The following FRK variants were observed in gnomAD, a reference collection of about 807,000 sequenced individuals.
FRK encodes fyn related Src family tyrosine kinase.
FRK carries 51 observed loss-of-function variants against 56.4 expected under a neutral mutation model. The ratio of observed to expected loss-of-function variants is 0.90; its 90% CI spans 0.72 to 1.14. FRK has a LOEUF of 1.14. FRK is among the 50% of genes most tolerant of loss of function. The pLI, the probability that FRK is intolerant of heterozygous loss-of-function variation, is 0.00. For synonymous variants in FRK, 245 were observed against 217.9 expected (o/e 1.12, Z -1.10); for missense variants, 570 against 601.4 (o/e 0.95, Z 0.55).
chr6:116,062,274 G>A (rs1053020287), upstream of FRK, among the ~76,000 whole-genome samples: 11 of 151,858 alleles, frequency 7.2e-5, no homozygotes, highest in African/African-American at 2.2e-4. Context: ...AATGATATGA[G>A]ACCTAAAATA....
At chr6:116,036,387 C>T (rs1446984272) in intron 1 of FRK, among the ~76,000 whole-genome samples, 1 of 152,004 alleles carries the variant, frequency 6.6e-6, no homozygotes, top group Non-Finnish European at 1.5e-5. Flanking sequence ...TTACTTATAC[C>T]CCTATTTCTA....
At chr6:116,100,187 A>T in the FRK span, among the ~76,000 whole-genome samples, 1 of 152,340 alleles carries the variant, frequency 6.6e-6, no homozygotes, top group African/African-American at 2.4e-5. Flanking sequence ...ACAAAATAGG[A>T]TTATCAAGTA....
At chr6:116,082,807 G>A in the FRK span, among the ~76,000 whole-genome samples, 27 of 152,248 alleles carry the variant, frequency 1.8e-4, no homozygotes, top group African/African-American at 5.1e-4. Flanking sequence ...CCTAAATTCA[G>A]AAGAGAGGTC....
At chr6:116,041,171 C>G (rs1229080449) in intron 1 of FRK, among the ~76,000 whole-genome samples, 2 of 152,208 alleles carry the variant, frequency 1.3e-5, no homozygotes, top group African/African-American at 4.8e-5. Context: ...CAAAGTGATT[C>G]ATCATCAAAA....
upstream of FRK, among the ~76,000 whole-genome samples, chr6:116,065,846 C>T (rs1205431438): frequency 6.6e-6 from 1 of 152,180 alleles, no homozygotes; most frequent in Non-Finnish European, 1.5e-5. Flanking sequence ...GAATGTCATT[C>T]TCCTAGAACA....
intron 1 of FRK, chr6:116,039,052 TG>T (rs1253438172): frequency 2.6e-6 from 2 of 758,878 alleles, no homozygotes; most frequent in Non-Finnish European, 4.9e-6. Context: ...AGAGTAGGCA[TG>T]TCTTTGGGGA....
chr6:116,055,165 C>T (rs965615774), intron 1 of FRK, among the ~76,000 whole-genome samples: 4 of 152,110 alleles, frequency 2.6e-5, no homozygotes, highest in African/African-American at 9.7e-5. Context: ...TGCTTTCAAG[C>T]TCGACAATGG....
chr6:116,058,831 A>C (rs1777498936), intron 1 of FRK, among the ~76,000 whole-genome samples: 1 of 150,182 alleles, frequency 6.7e-6, no homozygotes, highest in Non-Finnish European at 1.5e-5. Context: ...GAATGGCGTG[A>C]ACCCGGGAGG....
In FRK at chr6:115,931,987, G is replaced by A. The variant is rs1394909661; in HGVS notation, c.*10427C>T. The A allele has an allele frequency of 6.6e-6, 1 of 152,166 alleles. No individual in the cohort carries two copies. The highest frequency in any genetic ancestry group is 1.5e-5 in the Non-Finnish European group (1 of 68,024). 9.4% of individuals were successfully genotyped at this position (152,166 alleles called of 1,614,324 possible). The stretch of plus-strand genomic sequence containing the variant: ...TATTCTCCATGAAAATGAAAAAGAT[G>A]TTACATTGACGTCTGTTGCTTCAAA... On this transcript the variant is annotated 3_prime_UTR_variant, in exon 8 of 8. Transcript: ENST00000606080.
In FRK at chr6:115,968,602, C is replaced by G. The variant is rs148594761; in HGVS notation, c.604G>C (p.Val202Leu). 3.3e-5 allele frequency: 53 copies of G among 1,613,334 alleles called. No homozygotes were observed. In the East Asian group the frequency reaches 1.2e-3, roughly 35 times the overall value. Residue 202 changes from valine (V) to leucine (L), a missense_variant, in exon 3 of 8, where the codon GTC (valine) becomes CTC (leucine). By Grantham distance (32) the Val-to-Leu change is conservative (BLOSUM62 1). Coordinates refer to ENST00000606080, the MANE Select transcript of FRK (RefSeq NM_002031.3). ...HYTKTSDGLCVKLGKPCLKIQ... is the reference protein window; with the variant it reads ...HYTKTSDGLCLKLGKPCLKIQ... ...TTTAAGCATGGTTTCCCCAGCTTGA[C>G]ACACAGGCCGTCACTTGTCTTGGTG... is the stretch of plus-strand genomic sequence containing the variant.
chr6:116,089,864 C>T, the FRK span, among the ~76,000 whole-genome samples: 1 of 151,848 alleles, frequency 6.6e-6, no homozygotes, highest in Non-Finnish European at 1.5e-5. Flanking sequence ...CCCCAAGGCA[C>T]ATTTGACTTT....
intron 4 of FRK, 119 bp downstream of exon 4, chr6:115,967,432 T>G: frequency 1.1e-6 from 1 of 935,814 alleles, no homozygotes. Context: ...CTAGAGACAA[T>G]GACCACAACA....
At chr6:116,042,072 C>G (rs143802849) in intron 1 of FRK, among the ~76,000 whole-genome samples, 1 of 152,298 alleles carries the variant, frequency 6.6e-6, no homozygotes, top group Non-Finnish European at 1.5e-5. Flanking sequence ...GAAGGGGCAT[C>G]CACCATTACT....
intron 1 of FRK, among the ~76,000 whole-genome samples, chr6:116,029,679 A>T (rs933925597): frequency 6.6e-6 from 1 of 152,172 alleles, no homozygotes; most frequent in Non-Finnish European, 1.5e-5. Flanking sequence ...GAACAACCCT[A>T]TAAGGGAAGC....
At chr6:115,984,285 T>C (rs143907428) in intron 2 of FRK, among the ~76,000 whole-genome samples, 1 of 152,230 alleles carries the variant, frequency 6.6e-6, no homozygotes, top group Non-Finnish European at 1.5e-5. Flanking sequence ...AGCACGAAAT[T>C]TTCAAATCAG....
chr6:116,024,362 C>A (rs1210989021), intron 1 of FRK, among the ~76,000 whole-genome samples: 6 of 151,054 alleles, frequency 4.0e-5, no homozygotes, highest in South Asian at 4.2e-4. Flanking sequence ...TGCGCTGCAC[C>A]CACTAACTCG....
At position 115,958,720 on chromosome 6, in the gene FRK, A is replaced by G. The variant is rs1462722309; in HGVS notation, c.800-2110T>C. On this transcript the variant is annotated intron_variant, in intron 4 of 7. Transcript: ENST00000606080. ...AGAAAGAAAGAAGAAAGAAAGAAAG[A>G]AAGAAAGAAAGAAAGAAAGAAAGAA... 6.3e-3 allele frequency among the ~76,000 whole-genome samples: 160 copies of G among 25,234 alleles called. 13 individuals carry two copies. The highest frequency in any genetic ancestry group is 0.023 in the African/African-American group (151 of 6,488). 16.6% of individuals were successfully genotyped at this position (25,234 alleles called of 152,430 possible).
chr6:115,974,507 C>T (rs1028079077), intron 2 of FRK, among the ~76,000 whole-genome samples: 6 of 152,222 alleles, frequency 3.9e-5, no homozygotes, highest in East Asian at 1.9e-4. Flanking sequence ...ACGGAAAAAG[C>T]AACAGACTAG....
intron 1 of FRK, among the ~76,000 whole-genome samples, chr6:116,009,064 A>T (rs1280450134): frequency 6.6e-6 from 1 of 152,140 alleles, no homozygotes; most frequent in Non-Finnish European, 1.5e-5. Context: ...AAGGAAAGTG[A>T]CTAACAAAAA....
Sources: gnomAD v4.1 joint callset for allele counts (sites outside exome capture counted in the v4.1 genomes callset) on GRCh38, gnomAD v4.1.1 for gene constraint, MANE v1.5 for transcripts, NCBI Gene and HGNC (gene_info 2026-07-23, HGNC 2026-07-21) for gene names.